Variants in CEP192 observed in about 807,000 individuals in gnomAD.
CEP192 encodes the protein centrosomal protein of 192 kDa.
Under a neutral mutation model 271.8 loss-of-function variants are expected in CEP192, and 151 were observed. That is an observed-to-expected ratio of 0.56 (90% confidence interval 0.49 to 0.64). CEP192 has a LOEUF of 0.64. CEP192 is among the 30% of genes least tolerant of loss of function. The pLI is 0.00. For missense variants in CEP192, 2,910 were observed against 3,020.5 expected, an observed-to-expected ratio of 0.96 and a Z score of 0.86; for synonymous variants, 995 against 1,076.5, an observed-to-expected ratio of 0.92 and a Z score of 1.48.
rs1389119767 is a variant in CEP192, at chr18:13,087,049, T to A, written c.5649T>A (p.Asn1883Lys). The stretch of plus-strand genomic sequence containing the variant: ...TGTCTGGATATGGAGGAACAAGCAA[T>A]CTTATTTTGGAAGGCGTTAAAAAAT... ...IPLSGYGGTS[N>K]LILEGVKKLS... Residue 1883 changes from asparagine (N) to lysine (K), a missense_variant, in exon 31 of 45, where the codon AAT becomes AAA. Physicochemically the swap from Asn to Lys is moderately conservative, Grantham distance 94 (BLOSUM62 0). Transcript: ENST00000506447. 3 of 1,612,614 alleles carry A rather than the reference T, an allele frequency of 1.9e-6. No homozygotes were observed. The highest frequency in any genetic ancestry group is 2.5e-6 in the Non-Finnish European group (3 of 1,178,688).
chr18:13,069,064 ATGTC>A, intron 25 of CEP192, 21 bp from the exon 26 acceptor site: 1 of 1,613,620 alleles, frequency 6.2e-7, no homozygotes, highest in Non-Finnish European at 8.5e-7. Context: ...GTTCGTTGAA[ATGTC>A]TGTCTTGCCC....
At chr18:13,047,043 T>A (rs995351391) in intron 15 of CEP192, among the ~76,000 whole-genome samples, 5 of 152,224 alleles carry the variant, frequency 3.3e-5, no homozygotes, top group African/African-American at 9.6e-5. Flanking sequence ...TTGGTTTTTA[T>A]CCATCTTACT....
intron 40 of CEP192, among the ~76,000 whole-genome samples, chr18:13,109,623 A>AAAATTG (rs753839713): frequency 2.0e-4 from 31 of 152,206 alleles, no homozygotes; most frequent in Non-Finnish European, 3.7e-4. Context: ...TAAAAAGAAA[A>AAAATTG]AAAATTGAAA....
intron 7 of CEP192, 101 bp from the exon 8 acceptor site, chr18:13,018,379 A>T (rs1350067273): frequency 7.3e-6 from 5 of 680,762 alleles, no homozygotes; most frequent in Non-Finnish European, 4.6e-6. Context: ...AATTCCTTCT[A>T]CACTTATTTT....
chr18:13,091,010 T>G (rs543980257), intron 33 of CEP192, among the ~76,000 whole-genome samples: 1 of 152,320 alleles, frequency 6.6e-6, no homozygotes, highest in East Asian at 1.9e-4. Flanking sequence ...AGGTACTGGA[T>G]GCAGTCCTTG....
At chr18:13,120,031 CTT>C (rs2040594496) in intron 44 of CEP192, among the ~76,000 whole-genome samples, 1 of 152,098 alleles carries the variant, frequency 6.6e-6, no homozygotes, top group East Asian at 1.9e-4. Flanking sequence ...ATTTCAAATT[CTT>C]TTTTGATGTT....
intron 11 of CEP192, among the ~76,000 whole-genome samples, chr18:13,036,719 G>A (rs1045049571): frequency 3.3e-5 from 5 of 152,226 alleles, no homozygotes; most frequent in African/African-American, 9.6e-5. Context: ...TTAGGCTGGC[G>A]TTCCTTTCCC....
chr18:13,055,137 G>A (rs2144114886), intron 18 of CEP192, among the ~76,000 whole-genome samples: 1 of 152,236 alleles, frequency 6.6e-6, no homozygotes, highest in East Asian at 1.9e-4. Context: ...AAATTAGCTG[G>A]GCATGATAGC....
At chr18:13,021,765 C>T (rs2035009899) in intron 9 of CEP192, among the ~76,000 whole-genome samples, 1 of 152,136 alleles carries the variant, frequency 6.6e-6, no homozygotes, top group Non-Finnish European at 1.5e-5. Flanking sequence ...CCGTTTAGGT[C>T]TTTAGGTCTT....
chr18:13,036,490 A>C (rs1175861449), intron 11 of CEP192, among the ~76,000 whole-genome samples: 1 of 152,202 alleles, frequency 6.6e-6, no homozygotes, highest in Non-Finnish European at 1.5e-5. Flanking sequence ...AGAGGCCTAG[A>C]GTGCTACAGC....
chr18:13,018,947 G>C, intron 8 of CEP192, 135 bp from the exon 9 acceptor site: 1 of 793,006 alleles, frequency 1.3e-6, no homozygotes, highest in Non-Finnish European at 1.9e-6. Context: ...TTCTCTCTAC[G>C]AAAATGGCTA....
At chr18:13,069,056 TC>T (rs2037869433) in intron 25 of CEP192, 32 bp from the exon 26 acceptor site, 1 of 1,613,960 alleles carries the variant, frequency 6.2e-7, no homozygotes, top group Admixed American at 1.7e-5. Flanking sequence ...TTGTGACAGT[TC>T]GTTGAAATGT....
chr18:13,113,829 T>C (rs975348688), intron 41 of CEP192, 124 bp downstream of exon 41: 36 of 952,892 alleles, frequency 3.8e-5, no homozygotes, highest in Non-Finnish European at 4.8e-5. Context: ...TTCTTGTTTG[T>C]CTTTATTAAT....
At position 13,073,122 on chromosome 18, in the gene CEP192, C is replaced by T. The variant is rs1429808376; in HGVS notation, c.5553C>T (p.Cys1851=). ...SVLFAPTRLS[C]MLARLEIKQL... ...TATTTGCACCTACTCGATTATCTTG[C>T]ATGTTGGCTAGACTAGAAATCAAAC... The change falls in exon 30 of 45, where the codon TGC becomes TGT. Residue 1851 remains cysteine (C), a synonymous_variant. Transcript: ENST00000506447. The T allele has an allele frequency of 1.2e-6, 2 of 1,613,718 alleles. No individual in the cohort carries two copies. Among genetic ancestry groups the T allele is most frequent in the East Asian group, 2.2e-5 (1 of 44,870 alleles).
chr18:13,040,772 A>G, intron 13 of CEP192, 58 bp from the exon 14 acceptor site: 1 of 1,398,984 alleles, frequency 7.1e-7, no homozygotes, highest in Non-Finnish European at 9.8e-7. Flanking sequence ...AAAACAGTCT[A>G]GAATTTCTCA....
In CEP192 at chr18:13,049,701, G is replaced by A; in HGVS notation, c.2890+20G>A. The stretch of plus-strand genomic sequence containing the variant: ...ATAGTGGTAAGTGTCTGAGTCGTTG[G>A]TCACATTCATAAAATTACAAAGTTT... On this transcript the variant is annotated intron_variant, in intron 16 of 44. Transcript: ENST00000506447. 1 of 1,602,354 alleles carries A rather than the reference G, an allele frequency of 6.2e-7. No homozygotes were observed. Among genetic ancestry groups the A allele is most frequent in the Non-Finnish European group, 8.5e-7 (1 of 1,173,876 alleles).
At chr18:13,031,338 C>T (rs2143575912) in intron 11 of CEP192, among the ~76,000 whole-genome samples, 1 of 150,354 alleles carries the variant, frequency 6.7e-6, no homozygotes, top group East Asian at 2.0e-4. Flanking sequence ...AGCTCCGCCT[C>T]CCGGGTTCAC....
intron 26 of CEP192, 95 bp downstream of exon 26, chr18:13,069,276 CAG>C (rs746951323): frequency 5.9e-6 from 6 of 1,021,888 alleles, no homozygotes; most frequent in Non-Finnish European, 9.2e-6. Flanking sequence ...CCTGGCCCAA[CAG>C]AGTGCCCTGA....
Position 13,071,119 on chromosome 18 carries a change from A to G in CEP192, c.5255A>G (p.Lys1752Arg), listed in dbSNP as rs773843172. 34 of 1,613,990 alleles carry G rather than the reference A, an allele frequency of 2.1e-5. No individual in the cohort carries two copies. In the African/African-American group the frequency reaches 3.2e-4, roughly 15 times the overall value. ...GGCGAAGTCATTTCTTCAGGAAGTAAACCTCTGTCACCTGGACCTTGCTTA... is the reference window on the plus strand; with the variant it reads ...GGCGAAGTCATTTCTTCAGGAAGTAGACCTCTGTCACCTGGACCTTGCTTA... ...LKGEVISSGS[K>R]PLSPGPCLDI... Residue 1752 changes from lysine (K) to arginine (R), a missense_variant, in exon 28 of 45, where the codon AAA (lysine) becomes AGA (arginine). Lys to Arg is a conservative substitution (Grantham distance 26). Coordinates refer to ENST00000506447, the MANE Select transcript of CEP192 (RefSeq NM_032142.4).
Sources: gnomAD v4.1 joint callset for allele counts (sites outside exome capture counted in the v4.1 genomes callset) on GRCh38, gnomAD v4.1.1 for gene constraint, MANE v1.5 for transcripts, NCBI Gene and HGNC (gene_info 2026-07-23, HGNC 2026-07-21) for gene names.